The following ADAMTSL1 variants were observed in gnomAD, a reference collection of about 807,000 sequenced individuals.
ADAMTSL1 encodes the protein ADAMTS like 1, also known as ADAMTS-like protein 1.
In ADAMTSL1, 126 loss-of-function variants were observed where a neutral mutation model predicts 201.8. The observed-to-expected ratio is 0.62, with a 90% CI of 0.54 to 0.72. The LOEUF is 0.72. ADAMTSL1 is among the 30% of genes least tolerant of loss of function. The probability of loss-of-function intolerance (pLI) is 0.00; values close to 1 mark genes in which losing one functional copy is unlikely to be tolerated. For synonymous variants in ADAMTSL1, 1,121 were observed against 903.4 expected (o/e 1.24, Z -4.32); for missense variants, 2,679 against 2,277.8 (o/e 1.18, Z -3.59).
Position 18,279,574 on chromosome 9 carries a change from A to G in ADAMTSL1, c.207+115593A>G, listed in dbSNP as rs542841137. On this transcript the variant is annotated intron_variant, in intron 2 of 29. Transcript: ENST00000680146. ...ATTTGTCAGGGAAAACCCTTCACCAATCGGGGAAACATGACACCACCAAAG... is the reference window on the plus strand; with the variant it reads ...ATTTGTCAGGGAAAACCCTTCACCAGTCGGGGAAACATGACACCACCAAAG... 1.9e-4 allele frequency among the ~76,000 whole-genome samples: 29 copies of G among 151,628 alleles called. No homozygotes were observed. The South Asian group carries it at 6.0e-3, about 32-fold the overall frequency.
At chr9:18,190,422 C>T (rs1022744380) in intron 2 of ADAMTSL1, among the ~76,000 whole-genome samples, 1 of 152,112 alleles carries the variant, frequency 6.6e-6, no homozygotes, top group Admixed American at 6.5e-5. Flanking sequence ...GTCATTGTGA[C>T]CAGCACACTC....
chr9:18,075,856 G>C (rs1486930698), intron 1 of ADAMTSL1, among the ~76,000 whole-genome samples: 3 of 152,124 alleles, frequency 2.0e-5, no homozygotes, highest in Admixed American at 1.3e-4. Context: ...CCTGTAAAAG[G>C]TGCTGAGTGA....
chr9:18,631,009 G>A lies in ADAMTSL1; in HGVS notation c.602-4934G>A, dbSNP rs769808298. Among the ~76,000 whole-genome samples, 86 of 152,276 alleles carry A rather than the reference G, an allele frequency of 5.6e-4. 1 individual carries two copies. The highest frequency in any genetic ancestry group is 3.9e-3 in the South Asian group (19 of 4,824). ...TTTGATACTGGCTGTTTTGATGTTA[G>A]CACCTGTGTAGGCAACGGTATCTAT... On this transcript the variant is annotated intron_variant, in intron 5 of 28. Coordinates refer to ENST00000380548, the MANE Select transcript of ADAMTSL1 (RefSeq NM_001040272.6).
At chr9:18,176,381 G>A (rs1280727818) in intron 2 of ADAMTSL1, among the ~76,000 whole-genome samples, 1 of 152,112 alleles carries the variant, frequency 6.6e-6, no homozygotes, top group Non-Finnish European at 1.5e-5. Context: ...ATTTATTGAT[G>A]CTATAGTGAT....
intron 1 of ADAMTSL1, among the ~76,000 whole-genome samples, chr9:18,162,032 A>G (rs952899729): frequency 1.3e-5 from 2 of 152,090 alleles, no homozygotes; most frequent in Admixed American, 6.6e-5. Context: ...AAAATAGCAC[A>G]AAAGTATTAT....
intron 2 of ADAMTSL1, among the ~76,000 whole-genome samples, chr9:18,355,007 A>T (rs1212441712): frequency 1.3e-5 from 2 of 151,866 alleles, no homozygotes. Context: ...CAAACAGACT[A>T]AGAAAATTGA....
chr9:18,269,194 G>T (rs923091487), intron 2 of ADAMTSL1, among the ~76,000 whole-genome samples: 2 of 152,084 alleles, frequency 1.3e-5, no homozygotes, highest in African/African-American at 4.8e-5. Context: ...AATAAAATTT[G>T]TAGACTCTTG....
At chr9:18,339,917 G>C (rs529360877) in intron 2 of ADAMTSL1, among the ~76,000 whole-genome samples, 1 of 152,248 alleles carries the variant, frequency 6.6e-6, no homozygotes, top group South Asian at 2.1e-4. Flanking sequence ...TCTTCAAAGA[G>C]TTGTCTTCAC....
intron 15 of ADAMTSL1, among the ~76,000 whole-genome samples, chr9:18,749,743 C>T (rs528661497): frequency 1.3e-5 from 2 of 152,328 alleles, no homozygotes; most frequent in African/African-American, 4.8e-5. Flanking sequence ...CCTTCATTGG[C>T]CTAAGTTGAT....
intron 1 of ADAMTSL1, among the ~76,000 whole-genome samples, chr9:18,005,162 TAGG>T (rs1202411646): frequency 5.3e-5 from 8 of 152,028 alleles, no homozygotes; most frequent in Non-Finnish European, 8.8e-5. Flanking sequence ...GAAAGCTTCT[TAGG>T]AGAAGTCACA....
intron 1 of ADAMTSL1, among the ~76,000 whole-genome samples, chr9:17,933,597 G>A (rs1826887687): frequency 6.6e-6 from 1 of 152,146 alleles, no homozygotes; most frequent in African/African-American, 2.4e-5. Context: ...AGGTTTAGTT[G>A]GCTCACAGTT....
intron 23 of ADAMTSL1, among the ~76,000 whole-genome samples, chr9:18,850,827 T>A (rs1178716677): frequency 1.3e-5 from 2 of 152,196 alleles, no homozygotes; most frequent in Admixed American, 6.5e-5. Flanking sequence ...ACTTTTTAAT[T>A]GAGTTCCCTT....
At chr9:18,388,368 G>C (rs75997612) in intron 2 of ADAMTSL1, among the ~76,000 whole-genome samples, 7,243 of 151,700 alleles carry the variant, frequency 0.048, 185 homozygotes, top group Middle Eastern at 0.078. Context: ...TTACCTCCTC[G>C]GTTCAAGCAA....
chr9:18,229,774 C>T (rs914967003), intron 2 of ADAMTSL1, among the ~76,000 whole-genome samples: 1 of 151,778 alleles, frequency 6.6e-6, no homozygotes, highest in African/African-American at 2.4e-5. Flanking sequence ...TGGCTCACTG[C>T]AACCTCCACC....
intron 1 of ADAMTSL1, among the ~76,000 whole-genome samples, chr9:18,044,110 G>A (rs143916564): frequency 6.6e-6 from 1 of 151,026 alleles, no homozygotes; most frequent in East Asian, 2.0e-4. Flanking sequence ...ATTGCAATAG[G>A]TATAAAAATA....
chr9:18,187,137 C>T (rs1180626995), intron 2 of ADAMTSL1, among the ~76,000 whole-genome samples: 3 of 152,092 alleles, frequency 2.0e-5, no homozygotes, highest in Non-Finnish European at 4.4e-5. Flanking sequence ...TGGAGTGATG[C>T]AGCCCCTCAG....
intron 1 of ADAMTSL1, among the ~76,000 whole-genome samples, chr9:17,957,300 C>T (rs1227829660): frequency 1.3e-5 from 2 of 152,140 alleles, no homozygotes; most frequent in African/African-American, 4.8e-5. Flanking sequence ...GTCCAGAAAC[C>T]CTTTCTGACT....
chr9:18,011,348 C>A (rs2131556873), intron 1 of ADAMTSL1, among the ~76,000 whole-genome samples: 1 of 152,098 alleles, frequency 6.6e-6, no homozygotes, highest in South Asian at 2.1e-4. Context: ...CTTAAATAAA[C>A]TCTTATTGAG....
intron 1 of ADAMTSL1, among the ~76,000 whole-genome samples, chr9:17,919,688 T>C (rs753208824): frequency 6.6e-6 from 1 of 152,170 alleles, no homozygotes; most frequent in Admixed American, 6.6e-5. Flanking sequence ...TTCCATTGTA[T>C]GAATATAACA....
Sources: gnomAD v4.1 joint callset for allele counts (sites outside exome capture counted in the v4.1 genomes callset) on GRCh38, gnomAD v4.1.1 for gene constraint, MANE v1.5 for transcripts, NCBI Gene and HGNC (gene_info 2026-07-23, HGNC 2026-07-21) for gene names.